The following TPX2 variants were observed in gnomAD, a reference collection of about 807,000 sequenced individuals.
The protein encoded by TPX2 is targeting protein for Xklp2.
Under a neutral mutation model 93.6 loss-of-function variants are expected in TPX2, and 21 were observed. The observed-to-expected ratio is 0.22, with a 90% CI of 0.16 to 0.32. The LOEUF is 0.32. TPX2 is among the 10% of genes least tolerant of loss of function. The pLI, the probability that TPX2 is intolerant of heterozygous loss-of-function variation, is 1.00. For synonymous variants in TPX2, 281 were observed against 298.3 expected (o/e 0.94, Z 0.60); for missense variants, 776 against 871.1 (o/e 0.89, Z 1.37).
intron 5 of TPX2, among the ~76,000 whole-genome samples, chr20:31,768,373 C>T (rs1276239919): frequency 2.6e-5 from 4 of 151,020 alleles, no homozygotes; most frequent in Admixed American, 1.3e-4. Flanking sequence ...GTAGCTGGGA[C>T]TACAGGCGCC....
At chr20:31,749,271 G>A (rs1215714983) in intron 2 of TPX2, among the ~76,000 whole-genome samples, 1 of 152,136 alleles carries the variant, frequency 6.6e-6, no homozygotes, top group African/African-American at 2.4e-5. Flanking sequence ...AAATAAATAG[G>A]CAGTGGATAA....
At chr20:31,793,732 C>T (rs149372089) in intron 13 of TPX2, 116 bp from the exon 14 acceptor site, 1 of 1,035,128 alleles carries the variant, frequency 9.7e-7, no homozygotes, top group South Asian at 2.6e-5. Context: ...GCTAAGACTT[C>T]CTTTAATTTT....
At chr20:31,782,114 T>C in intron 10 of TPX2, 135 bp from the exon 11 acceptor site, 1 of 1,161,472 alleles carries the variant, frequency 8.6e-7, no homozygotes, top group Middle Eastern at 3.0e-4. Flanking sequence ...TTGACCAATG[T>C]AAGCTGAGCT....
chr20:31,776,595 C>A (rs549154304), intron 8 of TPX2, among the ~76,000 whole-genome samples: 3 of 151,440 alleles, frequency 2.0e-5, no homozygotes, highest in African/African-American at 7.3e-5. Flanking sequence ...GCGTGATCTC[C>A]GCTCAACACA....
chr20:31,789,632 C>A (rs2062088090), intron 12 of TPX2, among the ~76,000 whole-genome samples: 1 of 151,376 alleles, frequency 6.6e-6, no homozygotes, highest in South Asian at 2.1e-4. Context: ...CAAAAAAAAA[C>A]TTTCTTTGTT....
intron 12 of TPX2, among the ~76,000 whole-genome samples, chr20:31,787,960 G>C (rs1247883392): frequency 6.6e-6 from 1 of 152,212 alleles, no homozygotes; most frequent in South Asian, 2.1e-4. Flanking sequence ...TTGTGAGGGA[G>C]GTATGTACCT....
At chr20:31,746,464 CTGGG>C (rs1355418005) in intron 2 of TPX2, among the ~76,000 whole-genome samples, 4 of 152,194 alleles carry the variant, frequency 2.6e-5, no homozygotes, top group Non-Finnish European at 4.4e-5. Flanking sequence ...ATGGCACTGC[CTGGG>C]ATGGGACCAT....
chr20:31,798,515 A>G lies in TPX2; in HGVS notation c.2096A>G (p.Gln699Arg). 1.2e-6 allele frequency: 2 copies of G among 1,612,396 alleles called. No individual in the cohort carries two copies. The highest frequency in any genetic ancestry group is 1.7e-6 in the Non-Finnish European group (2 of 1,179,784). The stretch of plus-strand genomic sequence containing the variant: ...GAGGCCAGACTACAGGAGGAAGAGC[A>G]GAAAAAAGAGGAGCTGGCCAGGCTA... ...LEEARLQEEEQKKEELARLRR... is the reference protein window; with the variant it reads ...LEEARLQEEERKKEELARLRR... Residue 699 changes from glutamine (Q) to arginine (R), a missense_variant, in exon 17 of 18, where the codon CAG becomes CGG. Around this residue, in one of 3 missense-constraint regions of TPX2, gnomAD observed 461 missense variants for 551.2 expected, o/e 0.84. Coordinates refer to ENST00000300403, the MANE Select transcript of TPX2 (RefSeq NM_012112.5).
At chr20:31,746,907 C>T (rs905948025) in intron 2 of TPX2, among the ~76,000 whole-genome samples, 2 of 152,170 alleles carry the variant, frequency 1.3e-5, no homozygotes, top group African/African-American at 4.8e-5. Flanking sequence ...AAAAAGTCAA[C>T]GTTCATTCTT....
chr20:31,771,469 A>C (rs2061963898), intron 6 of TPX2, 91 bp from the exon 7 acceptor site: 2 of 1,484,290 alleles, frequency 1.3e-6, no homozygotes, highest in Non-Finnish European at 9.0e-7. Flanking sequence ...AGAATGAGAA[A>C]ATTTAATCCA....
In TPX2 at chr20:31,777,514, A is replaced by G. The variant is rs151257770; in HGVS notation, c.758A>G (p.Gln253Arg). 3.7e-6 allele frequency: 6 copies of G among 1,613,996 alleles called. No homozygotes were observed. The African/African-American group carries it at 8.0e-5, about 22-fold the overall frequency. The stretch of plus-strand genomic sequence containing the variant: ...CAACCTGTGAAGAAATCAGTGAGCC[A>G]GGTCACCAAATCAGTTGACTTCCAC... The part of the protein sequence containing the change: ...IGQPVKKSVS[Q>R]VTKSVDFHFR... Residue 253 changes from glutamine (Q) to arginine (R), a missense_variant, in exon 9 of 18, where the codon CAG (glutamine) becomes CGG (arginine). Coordinates refer to ENST00000300403, the MANE Select transcript of TPX2 (RefSeq NM_012112.5).
At chr20:31,762,381 A>C (rs1433322163) in intron 4 of TPX2, among the ~76,000 whole-genome samples, 1 of 151,866 alleles carries the variant, frequency 6.6e-6, no homozygotes, top group Non-Finnish European at 1.5e-5. Flanking sequence ...ACAGAGTCTC[A>C]CTCTGTTGCC....
intron 4 of TPX2, among the ~76,000 whole-genome samples, chr20:31,763,755 C>T (rs1326438502): frequency 6.9e-6 from 1 of 143,930 alleles, no homozygotes; most frequent in Non-Finnish European, 1.5e-5. Flanking sequence ...CGTGATACCT[C>T]ATGCCTGTAA....
intron 5 of TPX2, among the ~76,000 whole-genome samples, chr20:31,768,263 G>A (rs1181524012): frequency 3.4e-5 from 5 of 148,120 alleles, no homozygotes; most frequent in Non-Finnish European, 5.9e-5. Context: ...TTTCAGACGA[G>A]TCTCGCTCTG....
chr20:31,794,832 G>GT, intron 15 of TPX2, among the ~76,000 whole-genome samples: 1 of 150,636 alleles, frequency 6.6e-6, no homozygotes. Context: ...TGTTGTTGTT[G>GT]TTTTTTGAGA....
chr20:31,793,835 A>G lies in TPX2; in HGVS notation c.1510-13A>G, dbSNP rs770944270. The G allele has an allele frequency of 5.2e-6, 8 of 1,552,474 alleles. No individual in the cohort carries two copies. Among genetic ancestry groups the G allele is most frequent in the African/African-American group, 2.8e-5 (2 of 72,116 alleles). ...TGAGGAGTCTTATTTCTAAACTGCAATTTTTTCCCTAGGAAGAGGACGAAC... is the reference window on the plus strand; with the variant it reads ...TGAGGAGTCTTATTTCTAAACTGCAGTTTTTTCCCTAGGAAGAGGACGAAC... On this transcript the variant is annotated splice_polypyrimidine_tract_variant and intron_variant, in intron 13 of 17. Coordinates refer to ENST00000300403, the MANE Select transcript of TPX2 (RefSeq NM_012112.5).
chr20:31,785,694 C>T (rs1368142810), intron 12 of TPX2, among the ~76,000 whole-genome samples: 3 of 152,196 alleles, frequency 2.0e-5, no homozygotes, highest in African/African-American at 2.4e-5. Flanking sequence ...GACGGGGTTT[C>T]GCCTTGTTAG....
At chr20:31,794,613 A>C in intron 15 of TPX2, 65 bp downstream of exon 15, 1 of 1,574,120 alleles carries the variant, frequency 6.4e-7, no homozygotes, top group African/African-American at 1.4e-5. Flanking sequence ...AGGCAGACCC[A>C]CCATACTGAA....
At chr20:31,770,543 T>A (rs1452347163) in intron 6 of TPX2, 72 bp downstream of exon 6, 1 of 1,343,270 alleles carries the variant, frequency 7.4e-7, no homozygotes, top group East Asian at 2.6e-5. Flanking sequence ...AAGTTTCTTT[T>A]CTGAATTTAC....
Sources: allele counts gnomAD v4.1 joint callset (sites outside exome capture counted in the v4.1 genomes callset), GRCh38; gene constraint gnomAD v4.1.1; regional missense constraint gnomAD v4.1.1; transcripts MANE v1.5; gene names NCBI Gene and HGNC (gene_info 2026-07-23, HGNC 2026-07-21).